The following ATP9A variants were observed in gnomAD, a reference collection of about 807,000 sequenced individuals.
The protein encoded by ATP9A is probable phospholipid-transporting ATPase IIA.
A neutral mutation model predicts 144.1 loss-of-function variants in ATP9A; 52 were observed. The ratio of observed to expected loss-of-function variants is 0.36; its 90% CI spans 0.29 to 0.45. ATP9A has a LOEUF of 0.45. Among genes scored for constraint, ATP9A ranks in the 20% least tolerant of loss-of-function variants. ATP9A has a pLI of 1.00. For missense variants in ATP9A, 947 were observed against 1,392.7 expected, an observed-to-expected ratio of 0.68 and a Z score of 5.09; for synonymous variants, 582 against 557.4, an observed-to-expected ratio of 1.04 and a Z score of -0.62.
chr20:51,682,577 C>CTTTT (rs60505207), intron 9 of ATP9A, among the ~76,000 whole-genome samples: 5 of 35,084 alleles, frequency 1.4e-4, no homozygotes, highest in Admixed American at 4.3e-4. Flanking sequence ...TTCACTGTAT[C>CTTTT]TTTTTTTTTT....
intron 9 of ATP9A, among the ~76,000 whole-genome samples, chr20:51,687,511 T>C (rs575457347): frequency 3.9e-5 from 6 of 152,194 alleles, no homozygotes; most frequent in African/African-American, 1.4e-4. Flanking sequence ...TTTACACCTA[T>C]GATCCCAGCG....
intron 1 of ATP9A, among the ~76,000 whole-genome samples, chr20:51,743,078 C>A (rs1346450881): frequency 6.6e-6 from 1 of 152,178 alleles, no homozygotes; most frequent in Non-Finnish European, 1.5e-5. Flanking sequence ...CCAAATTCCC[C>A]CACATCTGTC....
chr20:51,763,859 T>A (rs987472239), intron 1 of ATP9A, among the ~76,000 whole-genome samples: 1 of 152,088 alleles, frequency 6.6e-6, no homozygotes, highest in Non-Finnish European at 1.5e-5. Flanking sequence ...TAAGCTCCCA[T>A]CCTTGCCACA....
intron 14 of ATP9A, among the ~76,000 whole-genome samples, chr20:51,641,530 T>C (rs6123058): frequency 0.46 from 69,753 of 150,848 alleles, 17,631 homozygotes; most frequent in East Asian, 0.8. Flanking sequence ...AACATAATAA[T>C]AGAGCCGGGC....
chr20:51,621,299 T>C (rs993081506), intron 19 of ATP9A, among the ~76,000 whole-genome samples: 11 of 152,164 alleles, frequency 7.2e-5, no homozygotes, highest in African/African-American at 2.7e-4. Context: ...CCTGCCTCTA[T>C]ACAATACTAT....
At chr20:51,664,206 C>CTA (rs2077423409) in intron 13 of ATP9A, among the ~76,000 whole-genome samples, 1 of 151,690 alleles carries the variant, frequency 6.6e-6, no homozygotes, top group East Asian at 2.0e-4. Context: ...TACCTTCCAT[C>CTA]TATATATATT....
chr20:51,634,703 A>G (rs1214844331), intron 15 of ATP9A, among the ~76,000 whole-genome samples: 7 of 151,972 alleles, frequency 4.6e-5, no homozygotes, highest in Admixed American at 6.6e-5. Flanking sequence ...TAAAAATACG[A>G]AATTAGCCGG....
chr20:51,718,297 G>C (rs962996380), intron 3 of ATP9A, among the ~76,000 whole-genome samples: 1 of 151,464 alleles, frequency 6.6e-6, no homozygotes, highest in Admixed American at 6.6e-5. Flanking sequence ...GCACTGGAAG[G>C]AAACACACCA....
At chr20:51,756,875 T>C (rs571041707) in intron 1 of ATP9A, among the ~76,000 whole-genome samples, 1 of 152,178 alleles carries the variant, frequency 6.6e-6, no homozygotes, top group Admixed American at 6.5e-5. Context: ...ACTATATGAA[T>C]TTCTCATCCA....
chr20:51,722,913 T>A (rs551334484), intron 3 of ATP9A, among the ~76,000 whole-genome samples: 2 of 152,140 alleles, frequency 1.3e-5, no homozygotes, highest in Non-Finnish European at 2.9e-5. Flanking sequence ...CAATTCACAA[T>A]TGCAAAATCG....
chr20:51,676,076 C>T, intron 10 of ATP9A, 56 bp downstream of exon 10: 1 of 1,353,298 alleles, frequency 7.4e-7, no homozygotes, highest in Non-Finnish European at 1.0e-6. Context: ...CGTCACTCAC[C>T]CACCAGAACC....
At chr20:51,613,547 T>A in intron 23 of ATP9A, 130 bp downstream of exon 23, 1 of 1,089,706 alleles carries the variant, frequency 9.2e-7, no homozygotes. Flanking sequence ...CTCCAAAGCA[T>A]AATCTAATTC....
chr20:51,706,042 C>T, intron 4 of ATP9A, among the ~76,000 whole-genome samples: 1 of 152,142 alleles, frequency 6.6e-6, no homozygotes, highest in East Asian at 1.9e-4. Context: ...CTTGTTTATC[C>T]AAAAGCACTA....
chr20:51,624,827 G>A (rs2077241141), intron 18 of ATP9A, among the ~76,000 whole-genome samples: 1 of 152,132 alleles, frequency 6.6e-6, no homozygotes, highest in South Asian at 2.1e-4. Flanking sequence ...CCAACATGGT[G>A]AAACCCTCTA....
intron 15 of ATP9A, among the ~76,000 whole-genome samples, chr20:51,638,072 T>TAG (rs2077301194): frequency 1.6e-4 from 1 of 6,438 alleles, no homozygotes; most frequent in Non-Finnish European, 3.3e-4. Context: ...TTCATCATTT[T>TAG]ATATATATAT....
At chr20:51,767,018 G>A (rs1387250263) in intron 1 of ATP9A, among the ~76,000 whole-genome samples, 1 of 151,366 alleles carries the variant, frequency 6.6e-6, no homozygotes, top group African/African-American at 2.4e-5. Flanking sequence ...CCTCTTCTTC[G>A]GAGGATTCAG....
intron 4 of ATP9A, among the ~76,000 whole-genome samples, chr20:51,704,742 C>T (rs966977984): frequency 6.6e-6 from 1 of 152,098 alleles, no homozygotes; most frequent in African/African-American, 2.4e-5. Flanking sequence ...ATCGCGCCAT[C>T]GCACTCTAGC....
chr20:51,646,536 T>C (rs2077343011), intron 14 of ATP9A, among the ~76,000 whole-genome samples: 1 of 152,098 alleles, frequency 6.6e-6, no homozygotes, highest in South Asian at 2.1e-4. Flanking sequence ...CACCAGGCAG[T>C]GGTTGCAGGT....
chr20:51,693,464 G>A (rs2077556967), intron 7 of ATP9A, among the ~76,000 whole-genome samples: 1 of 152,174 alleles, frequency 6.6e-6, no homozygotes, highest in South Asian at 2.1e-4. Flanking sequence ...ACGACAGCAA[G>A]CACCGCAGAA....
Sources: gnomAD v4.1 joint callset for allele counts (sites outside exome capture counted in the v4.1 genomes callset) on GRCh38, gnomAD v4.1.1 for gene constraint, MANE v1.5 for transcripts, NCBI Gene and HGNC (gene_info 2026-07-23, HGNC 2026-07-21) for gene names.